Variants in ZP3 observed in about 807,000 individuals in gnomAD.
ZP3 encodes the protein zona pellucida sperm-binding protein 3.
In ZP3, 21 loss-of-function variants were observed where a neutral mutation model predicts 35.6. The ratio of observed to expected loss-of-function variants is 0.59; its 90% CI spans 0.42 to 0.85. The LOEUF is 0.85. ZP3 is among the 40% of genes least tolerant of loss of function. The pLI is 0.00. For missense variants in ZP3, 437 were observed against 536.5 expected, an observed-to-expected ratio of 0.81 and a Z score of 1.83; for synonymous variants, 207 against 214.5, an observed-to-expected ratio of 0.96 and a Z score of 0.31.
intron 1 of ZP3, chr7:76,400,979 G>A (rs1052973264): frequency 1.3e-6 from 2 of 1,551,178 alleles, no homozygotes; most frequent in East Asian, 4.9e-5. Flanking sequence ...GACAGGTGAG[G>A]GTGAGGAAGG....
At chr7:76,430,165 G>A (rs529943111) in intron 2 of ZP3, among the ~76,000 whole-genome samples, 2 of 152,066 alleles carry the variant, frequency 1.3e-5, no homozygotes, top group African/African-American at 2.4e-5. Flanking sequence ...AGCCGAGATT[G>A]CACTGCTGTA....
chr7:76,420,921 G>A (rs868787635), upstream of ZP3, among the ~76,000 whole-genome samples: 3 of 139,894 alleles, frequency 2.1e-5, no homozygotes, highest in Non-Finnish European at 3.0e-5. Context: ...GTGTGTGTGT[G>A]TGTGTGTGTC....
At chr7:76,424,675 AAC>A (rs371599860), upstream of ZP3, among the ~76,000 whole-genome samples, 5 of 151,700 alleles carry the variant, frequency 3.3e-5, no homozygotes, top group African/African-American at 4.8e-5. Context: ...ACAAACCACA[AAC>A]ACACACACAC....
intron 1 of ZP3, chr7:76,397,878 GC>G: frequency 6.8e-7 from 1 of 1,465,690 alleles, no homozygotes; most frequent in African/African-American, 1.4e-5. Context: ...ACTGGCCTCT[GC>G]CCCCGTCCGC....
At chr7:76,429,352 C>T in intron 1 of ZP3, 163 bp from the exon 2 acceptor site, 1 of 655,112 alleles carries the variant, frequency 1.5e-6, no homozygotes, top group East Asian at 2.7e-5. Context: ...CAATCCTTGG[C>T]CTCCCAAAGT....
chr7:76,400,008 T>A (rs117455773), intron 1 of ZP3, among the ~76,000 whole-genome samples: 2,184 of 152,110 alleles, frequency 0.014, 39 homozygotes, highest in African/African-American at 0.039. Flanking sequence ...TCTAAAAAAA[T>A]TTTTTTTAAA....
chr7:76,400,644 A>G, intron 1 of ZP3: 2 of 1,407,542 alleles, frequency 1.4e-6, no homozygotes, highest in Admixed American at 3.1e-5. Flanking sequence ...AACCTCCAGC[A>G]TGCCCACTCC....
At chr7:76,435,681 G>T (rs1805974328) in intron 5 of ZP3, among the ~76,000 whole-genome samples, 1 of 151,862 alleles carries the variant, frequency 6.6e-6, no homozygotes, top group African/African-American at 2.4e-5. Flanking sequence ...GGTGTTTGCT[G>T]TAAAACTCCA....
chr7:76,414,742 C>T (rs1352610462), intron 1 of ZP3, among the ~76,000 whole-genome samples: 1 of 73,720 alleles, frequency 1.4e-5, no homozygotes, highest in Non-Finnish European at 2.7e-5. Flanking sequence ...TGCTCTGTCA[C>T]CCAGGCTGGA....
chr7:76,436,274 C>T (rs530695187), intron 5 of ZP3, among the ~76,000 whole-genome samples: 653 of 151,870 alleles, frequency 4.3e-3, no homozygotes, highest in African/African-American at 0.014. Context: ...CTTGAATACC[C>T]GACCTCAAAC....
At chr7:76,400,910 G>A in intron 1 of ZP3, 1 of 1,481,070 alleles carries the variant, frequency 6.8e-7, no homozygotes, top group East Asian at 2.5e-5. Context: ...CTAGAGTCAA[G>A]GGGGGCTGGT....
chr7:76,424,187 G>T (rs779104660), upstream of ZP3, among the ~76,000 whole-genome samples: 7 of 152,156 alleles, frequency 4.6e-5, no homozygotes, highest in Non-Finnish European at 1.0e-4. Flanking sequence ...ACCTGGGACA[G>T]CTCCCTTGCC....
intron 1 of ZP3, among the ~76,000 whole-genome samples, chr7:76,417,116 G>A (rs1237874545): frequency 5.9e-5 from 9 of 151,782 alleles, no homozygotes; most frequent in African/African-American, 2.2e-4. Flanking sequence ...GGAGTGTAAT[G>A]GTGCGATCTC....
At position 76,431,268 on chromosome 7, in the gene ZP3, G is replaced by A. The variant is rs547403164; in HGVS notation, c.431+1635G>A. ...GGAGTCAAGGGCAGGCTGCCCAGTCGGCATGAGGGACTGAAGCTGTCCTGT... is the reference window on the plus strand; with the variant it reads ...GGAGTCAAGGGCAGGCTGCCCAGTCAGCATGAGGGACTGAAGCTGTCCTGT... On this transcript the variant is annotated intron_variant, in intron 2 of 7. Coordinates refer to ENST00000394857, the MANE Select transcript of ZP3 (RefSeq NM_001110354.2). Among the ~76,000 whole-genome samples the A allele has an allele frequency of 1.6e-4, 25 of 152,250 alleles. 1 individual carries two copies. In the South Asian group the frequency reaches 5.0e-3, roughly 30 times the overall value.
At chr7:76,441,107 G>T (rs1403904014) in intron 7 of ZP3, among the ~76,000 whole-genome samples, 4 of 150,876 alleles carry the variant, frequency 2.7e-5, no homozygotes, top group African/African-American at 9.7e-5. Context: ...GGAGGCAGAG[G>T]TTGCAGTGAG....
chr7:76,431,521 C>T (rs1432684692), intron 2 of ZP3, among the ~76,000 whole-genome samples: 1 of 152,150 alleles, frequency 6.6e-6, no homozygotes, highest in Non-Finnish European at 1.5e-5. Context: ...ATACCCAGAC[C>T]TGCTTCCATG....
At position 76,400,969 on chromosome 7, in the gene ZP3, G is replaced by C. The variant is rs902538807; in HGVS notation, c.-67+3172G>C. The C allele has an allele frequency of 5.2e-6, 8 of 1,551,154 alleles. No individual in the cohort carries two copies. In the Admixed American group the frequency reaches 1.6e-4, roughly 30 times the overall value. On this transcript the variant is annotated intron_variant, in intron 1 of 8. Transcript: ENST00000336517. ...CTGTCTGAGGCTGGAGTACCTGGCG[G>C]ACAGGTGAGGGTGAGGAAGGGCGGG...
chr7:76,426,886 AC>A (rs1805675993), intron 1 of ZP3, among the ~76,000 whole-genome samples: 1 of 124,260 alleles, frequency 8.0e-6, no homozygotes, highest in Non-Finnish European at 1.7e-5. Context: ...ACACACACAC[AC>A]ACACACACAC....
Position 76,425,236 on chromosome 7 carries a change from G to T in ZP3, c.272G>T (p.Arg91Met), listed in dbSNP as rs1398787857. ...LVSMDTEDVV[R>M]FEVGLHECGN... ...TCCATGGACACAGAAGATGTGGTCAGGTTTGAGGTTGGACTCCACGAGTGT... is the reference window on the plus strand; with the variant it reads ...TCCATGGACACAGAAGATGTGGTCATGTTTGAGGTTGGACTCCACGAGTGT... The change falls in exon 1 of 8, where the codon AGG becomes ATG. Residue 91 changes from arginine to methionine, a missense_variant. This residue lies in a region of ZP3 where 352 missense variants were observed against 308.4 expected (regional missense o/e 1.14). Coordinates refer to ENST00000394857, the MANE Select transcript of ZP3 (RefSeq NM_001110354.2). The T allele has an allele frequency of 6.2e-7, 1 of 1,613,122 alleles. No individual in the cohort carries two copies. The highest frequency in any genetic ancestry group is 1.1e-5 in the South Asian group (1 of 91,076).
Sources: allele counts gnomAD v4.1 joint callset (sites outside exome capture counted in the v4.1 genomes callset), GRCh38; gene constraint gnomAD v4.1.1; regional missense constraint gnomAD v4.1.1; transcripts MANE v1.5; gene names NCBI Gene and HGNC (gene_info 2026-07-23, HGNC 2026-07-21).